The following MTA3 variants were observed in gnomAD, a reference collection of about 807,000 sequenced individuals.
MTA3 encodes metastasis associated 1 family member 3.
Under a neutral mutation model 83.5 loss-of-function variants are expected in MTA3, and 34 were observed. That is an observed-to-expected ratio of 0.41 (90% confidence interval 0.31 to 0.54). MTA3 has a LOEUF of 0.54. Among genes scored for constraint, MTA3 ranks in the 20% least tolerant of loss-of-function variants. MTA3 has a pLI of 0.33. For missense variants in MTA3, 761 were observed against 726.4 expected (o/e 1.05, Z -0.55); for synonymous variants, 303 against 252.7 (o/e 1.20, Z -1.89).
chr2:42,499,069 A>T (rs1674277210), intron 2 of MTA3, among the ~76,000 whole-genome samples: 1 of 152,206 alleles, frequency 6.6e-6, no homozygotes, highest in Non-Finnish European at 1.5e-5. Context: ...ATGAAGTTTC[A>T]GTTATATAGG....
rs1352052614 is a variant in MTA3 at position 42,609,471 on chromosome 2, A to G, written c.204A>G (p.Glu68=). ...LADKHAKEIE[E]ESETTVEADL... is the part of the protein sequence containing the mutation. ...TTATTTGTGTAGAAGAAATTGAGGA[A>G]GAATCTGAAACAACAGTTGAGGCTG... is the stretch of plus-strand genomic sequence containing the variant. Residue 68 remains glutamate, a synonymous_variant, in exon 4 of 17, where the codon GAA becomes GAG. Coordinates refer to ENST00000405094, the MANE Select transcript of MTA3 (RefSeq NM_001330442.2). 1 of 1,613,618 alleles carries G rather than the reference A, an allele frequency of 6.2e-7. No individual in the cohort carries two copies.
chr2:42,729,612 A>T (rs908911402), intron 16 of MTA3, among the ~76,000 whole-genome samples: 4 of 152,020 alleles, frequency 2.6e-5, no homozygotes, highest in South Asian at 2.1e-4. Context: ...AGATGTATAG[A>T]TTTGTTTCTG....
At chr2:42,606,975 A>C (rs983480003) in intron 3 of MTA3, among the ~76,000 whole-genome samples, 21 of 150,570 alleles carry the variant, frequency 1.4e-4, no homozygotes, top group African/African-American at 5.1e-4. Flanking sequence ...AGACTGAGGC[A>C]GGAGAATCAG....
intron 2 of MTA3, among the ~76,000 whole-genome samples, chr2:42,502,046 G>A (rs1475528951): frequency 2.0e-5 from 3 of 151,728 alleles, no homozygotes; most frequent in Non-Finnish European, 4.4e-5. Flanking sequence ...ACAGGTAAGG[G>A]TTTTTAAAGT....
intron 3 of MTA3, among the ~76,000 whole-genome samples, chr2:42,593,136 G>A (rs539626824): frequency 6.7e-6 from 1 of 149,684 alleles, no homozygotes; most frequent in East Asian, 2.0e-4. Flanking sequence ...CTTGGCAACA[G>A]AGCAAGGCTC....
intron 2 of MTA3, among the ~76,000 whole-genome samples, chr2:42,497,382 C>T (rs1409837219): frequency 1.3e-5 from 2 of 151,912 alleles, no homozygotes; most frequent in African/African-American, 2.4e-5. Flanking sequence ...GTCAGGAGTT[C>T]GAGAGCAGCC....
At chr2:42,643,043 C>G (rs373041769) in intron 5 of MTA3, among the ~76,000 whole-genome samples, 15 of 147,032 alleles carry the variant, frequency 1.0e-4, no homozygotes, top group Admixed American at 2.7e-4. Flanking sequence ...CTCCCCCCCC[C>G]CCCTTTTTTT....
intron 4 of MTA3, among the ~76,000 whole-genome samples, chr2:42,637,606 T>C (rs996417473): frequency 6.6e-6 from 1 of 152,220 alleles, no homozygotes; most frequent in African/African-American, 2.4e-5. Flanking sequence ...AAAATAATTC[T>C]GACTCAACCT....
Position 42,754,857 on chromosome 2 carries a change from C to CAG in MTA3, c.*1465_*1466dup, listed in dbSNP as rs1174883392. ...TCCTCGGAGGCTGAGCTCCGCTTGG[C>CAG]AGAGAGAGCGTGCTGTGTGAGGTGG... On this transcript the variant is annotated 3_prime_UTR_variant, in exon 17 of 17. Coordinates refer to ENST00000405094, the MANE Select transcript of MTA3 (RefSeq NM_001330442.2). The CAG allele has an allele frequency of 2.3e-5, 23 of 985,432 alleles. No homozygotes were observed. The highest frequency in any genetic ancestry group is 2.5e-5 in the Non-Finnish European group (21 of 830,030). 61.0% of individuals were successfully genotyped at this position (985,432 alleles called of 1,614,324 possible).
intron 2 of MTA3, among the ~76,000 whole-genome samples, chr2:42,550,784 G>A (rs906938669): frequency 7.9e-5 from 12 of 152,164 alleles, no homozygotes; most frequent in Non-Finnish European, 1.6e-4. Context: ...GCTCATGCCT[G>A]TAATCCCAGC....
At chr2:42,664,184 A>G (rs1055732567) in intron 8 of MTA3, among the ~76,000 whole-genome samples, 1 of 152,118 alleles carries the variant, frequency 6.6e-6, no homozygotes, top group African/African-American at 2.4e-5. Context: ...TTTGCTTGCA[A>G]CATTTAAATA....
chr2:42,706,243 T>C (rs573511413), intron 12 of MTA3, among the ~76,000 whole-genome samples: 4 of 152,112 alleles, frequency 2.6e-5, no homozygotes, highest in Admixed American at 1.3e-4. Flanking sequence ...ACCTGCACAT[T>C]GTGCACATGT....
In MTA3 at chr2:42,754,831, G is replaced by T. The variant is rs1373135682; in HGVS notation, c.*1432G>T. Reference sequence around the variant, plus strand: ...GGATAATGATGCTGTAGATGTCTGTGTCCTCGGAGGCTGAGCTCCGCTTGG... The same window carrying T: ...GGATAATGATGCTGTAGATGTCTGTTTCCTCGGAGGCTGAGCTCCGCTTGG... On this transcript the variant is annotated 3_prime_UTR_variant, in exon 17 of 17. Coordinates refer to ENST00000405094, the MANE Select transcript of MTA3 (RefSeq NM_001330442.2). 24 of 985,424 alleles carry T rather than the reference G, an allele frequency of 2.4e-5. No homozygotes were observed. Among genetic ancestry groups the T allele is most frequent in the Non-Finnish European group, 2.9e-5 (24 of 830,000 alleles). The allele number at this position is 985,424 out of a possible 1,614,324, so 61.0% of individuals were successfully genotyped here. A position where few individuals can be genotyped will look rare whatever the true frequency, so the allele number is the denominator to read the frequency against.
At chr2:42,585,934 G>C (rs1680225515) in intron 3 of MTA3, among the ~76,000 whole-genome samples, 1 of 151,886 alleles carries the variant, frequency 6.6e-6, no homozygotes, top group African/African-American at 2.4e-5. Flanking sequence ...TGACACCTGT[G>C]TCTCTTTAAA....
At chr2:42,652,537 G>C (rs755781706) in intron 6 of MTA3, among the ~76,000 whole-genome samples, 5 of 152,046 alleles carry the variant, frequency 3.3e-5, no homozygotes, top group Non-Finnish European at 7.4e-5. Flanking sequence ...GTAGAGAGTG[G>C]GTCTCCCTGT....
At chr2:42,573,493 T>C (rs906400566) in intron 2 of MTA3, among the ~76,000 whole-genome samples, 1 of 152,036 alleles carries the variant, frequency 6.6e-6, no homozygotes, top group Non-Finnish European at 1.5e-5. Context: ...ACTACAGGCA[T>C]GTACCACCAT....
chr2:42,749,875 A>G (rs992527596), intron 16 of MTA3, among the ~76,000 whole-genome samples: 2 of 152,172 alleles, frequency 1.3e-5, no homozygotes, highest in Non-Finnish European at 2.9e-5. Context: ...CAGTCCTTCT[A>G]TGTGCTTCCC....
rs182966261 is a variant in MTA3 at position 42,731,427 on chromosome 2, T to A, written c.1759+8392T>A. ...TTACAGTTCCATATGCCTGGGGAAG[T>A]CTCAGAATCTGGTGGGAGGCCAAAG... On this transcript the variant is annotated intron_variant, in intron 16 of 16. Coordinates refer to ENST00000405094, the MANE Select transcript of MTA3 (RefSeq NM_001330442.2). Among the ~76,000 whole-genome samples, 523 of 152,216 alleles carry A rather than the reference T, an allele frequency of 3.4e-3. 2 individuals carry two copies. The highest frequency in any genetic ancestry group is 0.012 in the African/African-American group (497 of 41,526).
intron 16 of MTA3, among the ~76,000 whole-genome samples, chr2:42,724,645 C>T (rs1335743649): frequency 6.6e-6 from 1 of 152,008 alleles, no homozygotes; most frequent in African/African-American, 2.4e-5. Context: ...ATCACACACA[C>T]ACACACACAC....
Sources: allele counts gnomAD v4.1 joint callset (sites outside exome capture counted in the v4.1 genomes callset), GRCh38; gene constraint gnomAD v4.1.1; transcripts MANE v1.5; gene names NCBI Gene and HGNC (gene_info 2026-07-23, HGNC 2026-07-21).